Variants in TMEM144 observed in about 807,000 individuals in gnomAD.
TMEM144 encodes the protein transmembrane protein 144.
TMEM144 carries 39 observed loss-of-function variants against 43.6 expected under a neutral mutation model. The observed-to-expected ratio is 0.90, with a 90% CI of 0.69 to 1.17. The LOEUF is 1.17. Among genes scored for constraint, TMEM144 ranks in the 50% most tolerant of loss-of-function variants. The pLI is 0.00. For missense variants in TMEM144, 417 were observed against 411.9 expected (o/e 1.01, Z -0.11); for synonymous variants, 154 against 133.6 (o/e 1.15, Z -1.06).
chr4:158,213,153 T>C, intron 3 of TMEM144: 1 of 274,748 alleles, frequency 3.6e-6, no homozygotes, highest in Non-Finnish European at 6.8e-6. Flanking sequence ...TGCAATTTTG[T>C]CCCTGAGAAA....
At chr4:158,225,568 C>G (rs1320684930) in intron 6 of TMEM144, among the ~76,000 whole-genome samples, 7 of 152,196 alleles carry the variant, frequency 4.6e-5, no homozygotes, top group Admixed American at 2.6e-4. Flanking sequence ...AGGGGCTTCT[C>G]TCACTTTACG....
chr4:158,248,145 A>AT (rs1431767057), intron 12 of TMEM144, among the ~76,000 whole-genome samples: 2 of 146,044 alleles, frequency 1.4e-5, no homozygotes, highest in African/African-American at 5.1e-5. Flanking sequence ...AAAAAAAAAA[A>AT]CCTGGGGCCA....
chr4:158,218,674 A>G lies in TMEM144; in HGVS notation c.333-636A>G, dbSNP rs186539399. Among the ~76,000 whole-genome samples, 9 of 152,300 alleles carry G rather than the reference A, an allele frequency of 5.9e-5. No homozygotes were observed. The East Asian group carries it at 1.5e-3, about 26-fold the overall frequency. On this transcript the variant is annotated intron_variant, in intron 5 of 12. Coordinates refer to ENST00000296529, the MANE Select transcript of TMEM144 (RefSeq NM_018342.5). The stretch of plus-strand genomic sequence containing the variant: ...AAGTCTACTCCAAATATTATACAAT[A>G]TTGTAACCAATTAATTAACCTTCCA...
At chr4:158,220,826 A>T (rs1734472844) in intron 6 of TMEM144, among the ~76,000 whole-genome samples, 1 of 152,154 alleles carries the variant, frequency 6.6e-6, no homozygotes, top group African/African-American at 2.4e-5. Context: ...CCTGTAGCTC[A>T]ATTTGAACTT....
At chr4:158,240,496 T>A in intron 10 of TMEM144, 78 bp downstream of exon 10, 1 of 1,481,446 alleles carries the variant, frequency 6.8e-7, no homozygotes, top group Non-Finnish European at 9.1e-7. Flanking sequence ...AAGTTTCTTC[T>A]GGAAACAAAG....
chr4:158,242,680 A>T, intron 11 of TMEM144, among the ~76,000 whole-genome samples: 1 of 152,318 alleles, frequency 6.6e-6, no homozygotes, highest in African/African-American at 2.4e-5. Context: ...AAAAAAAGAA[A>T]GAAAGAAAGA....
chr4:158,248,528 T>G (rs931604868), intron 12 of TMEM144, among the ~76,000 whole-genome samples: 1 of 152,222 alleles, frequency 6.6e-6, no homozygotes, highest in African/African-American at 2.4e-5. Flanking sequence ...GACACCTAAT[T>G]GCCTCTTGAC....
At chr4:158,243,925 T>C (rs1347645313) in intron 11 of TMEM144, among the ~76,000 whole-genome samples, 1 of 152,214 alleles carries the variant, frequency 6.6e-6, no homozygotes, top group Non-Finnish European at 1.5e-5. Flanking sequence ...CAAAGAAAGT[T>C]AGAAGCTTGT....
chr4:158,240,235 A>G, intron 9 of TMEM144, 64 bp from the exon 10 acceptor site: 1 of 1,539,786 alleles, frequency 6.5e-7, no homozygotes, highest in South Asian at 1.3e-5. Context: ...GTTTATTTTC[A>G]GAAATCTAAA....
chr4:158,217,932 C>G (rs1165452148), intron 5 of TMEM144, among the ~76,000 whole-genome samples: 2 of 152,140 alleles, frequency 1.3e-5, no homozygotes, highest in Non-Finnish European at 2.9e-5. Flanking sequence ...CTATAAATAA[C>G]GTTTTATCAG....
rs200177187 is a variant in TMEM144 at position 158,215,327 on chromosome 4, T to C, written c.232+14T>C. On this transcript the variant is annotated intron_variant, in intron 4 of 12. Coordinates refer to ENST00000296529, the MANE Select transcript of TMEM144 (RefSeq NM_018342.5). ...TTTGGGCAACAGGTAATGTCTGATATAACTTATACTTTTATTATGTAACAT... is the reference window on the plus strand; with the variant it reads ...TTTGGGCAACAGGTAATGTCTGATACAACTTATACTTTTATTATGTAACAT... 3.1e-5 allele frequency: 50 copies of C among 1,611,252 alleles called. No homozygotes were observed. The highest frequency in any genetic ancestry group is 4.2e-5 in the Non-Finnish European group (49 of 1,178,594).
chr4:158,217,159 C>A (rs1337259470), intron 4 of TMEM144, among the ~76,000 whole-genome samples, 162 bp from the exon 5 acceptor site: 2 of 152,018 alleles, frequency 1.3e-5, no homozygotes, highest in African/African-American at 4.8e-5. Context: ...AAATTTAATG[C>A]CAAAAATGTG....
Position 158,213,127 on chromosome 4 carries a change from T to C in TMEM144, c.109+351T>C, listed in dbSNP as rs956802952. 1.3e-5 allele frequency: 4 copies of C among 311,146 alleles called. No individual in the cohort carries two copies. In the Admixed American group the frequency reaches 1.9e-4, roughly 15 times the overall value. 19.3% of individuals were successfully genotyped at this position (311,146 alleles called of 1,614,324 possible). ...AGAGAACAATGTAAGCATAACAGATTTTTGGCTTGCTTATGTGCAATTTTG... is the reference window on the plus strand; with the variant it reads ...AGAGAACAATGTAAGCATAACAGATCTTTGGCTTGCTTATGTGCAATTTTG... On this transcript the variant is annotated intron_variant, in intron 3 of 12. Transcript: ENST00000296529.
chr4:158,241,707 G>A, intron 11 of TMEM144, 101 bp downstream of exon 11: 1 of 818,092 alleles, frequency 1.2e-6, no homozygotes, highest in South Asian at 1.6e-5. Flanking sequence ...CATGGAGTTT[G>A]ATTTTTTAGG....
At chr4:158,234,540 C>CA (rs796557173) in intron 7 of TMEM144, 3,335 of 132,216 alleles carry the variant, frequency 0.025, 116 homozygotes, top group African/African-American at 0.077. Flanking sequence ...AACTCCATCT[C>CA]AAAAAAAAAA....
Position 158,253,521 on chromosome 4 carries a change from A to T in TMEM144, c.1032A>T (p.Lys344Asn). The T allele has an allele frequency of 1.2e-6, 2 of 1,613,428 alleles. No individual in the cohort carries two copies. The highest frequency in any genetic ancestry group is 2.2e-5 in the South Asian group (2 of 91,000). The change falls in exon 13 of 13, where the codon AAA (lysine) becomes AAT (asparagine). Residue 344 changes from lysine (K) to asparagine (N), a missense_variant. Transcript: ENST00000296529. ...LTGALCTAFS[K>N]I ...GAGCCTTATGCACTGCTTTTTCTAA[A>T]ATCTAACAATGACAAAACCAGCAGG...
chr4:158,239,238 A>G (rs749818664), intron 9 of TMEM144, among the ~76,000 whole-genome samples: 1 of 152,206 alleles, frequency 6.6e-6, no homozygotes, highest in Non-Finnish European at 1.5e-5. Context: ...TAAGACTTAG[A>G]GCAACAGACA....
chr4:158,245,213 AGTGTGT>A (rs759486531), intron 12 of TMEM144, among the ~76,000 whole-genome samples: 1 of 125,600 alleles, frequency 8.0e-6, no homozygotes, highest in Non-Finnish European at 1.6e-5. Flanking sequence ...TTCTAGTAAG[AGTGTGT>A]GTGTGTGTGT....
chr4:158,237,222 A>T, intron 8 of TMEM144: 2 of 258,702 alleles, frequency 7.7e-6, no homozygotes, highest in Non-Finnish European at 1.5e-5. Context: ...AGACTGTACA[A>T]TATAACTGTA....
Sources: gnomAD v4.1 joint callset for allele counts (sites outside exome capture counted in the v4.1 genomes callset) on GRCh38, gnomAD v4.1.1 for gene constraint, MANE v1.5 for transcripts, NCBI Gene and HGNC (gene_info 2026-07-23, HGNC 2026-07-21) for gene names.